The following GAPDH variants were observed in gnomAD, a reference collection of about 807,000 sequenced individuals.
GAPDH encodes the protein OCAS, p38 component.
Under a neutral mutation model 31.2 loss-of-function variants are expected in GAPDH, and 13 were observed. The observed-to-expected ratio is 0.42, with a 90% CI of 0.27 to 0.66. The LOEUF (loss-of-function observed/expected upper bound fraction) is 0.66, where lower values mean the gene tolerates loss of function less well. GAPDH is among the 30% of genes least tolerant of loss of function. The probability of loss-of-function intolerance (pLI) is 0.26; values close to 1 mark genes in which losing one functional copy is unlikely to be tolerated. For synonymous variants in GAPDH, 211 were observed against 166.9 expected (o/e 1.26, Z -2.04); for missense variants, 300 against 443.7 (o/e 0.68, Z 2.91).
intron 2 of GAPDH, chr12:6,535,142 T>A: frequency 1.0e-6 from 1 of 974,896 alleles, no homozygotes; most frequent in Non-Finnish European, 1.4e-6. Context: ...CCCGGACCCC[T>A]AGGTGGGGGA....
Position 6,536,677 on chromosome 12 carries a change from C to T in GAPDH, c.130-7C>T, listed in dbSNP as rs1193592530. The stretch of plus-strand genomic sequence containing the variant: ...CAGCCCCTTCATACCCTCACGTATT[C>T]CCCCAGGTTTACATGTTCCAATATG... On this transcript the variant is annotated splice_polypyrimidine_tract_variant and splice_region_variant and intron_variant, in intron 3 of 8. Transcript: ENST00000229239. 3.7e-6 allele frequency: 6 copies of T among 1,610,498 alleles called. No individual in the cohort carries two copies. Among genetic ancestry groups the T allele is most frequent in the Non-Finnish European group, 4.2e-6 (5 of 1,177,032 alleles).
Position 6,534,731 on chromosome 12 carries a change from G to A in GAPDH, c.-23-79G>A. The A allele has an allele frequency of 3.2e-6, 4 of 1,267,414 alleles. No homozygotes were observed. The South Asian group carries it at 4.9e-5, about 15-fold the overall frequency. The allele number at this position is 1,267,414 out of a possible 1,614,324, so 78.5% of individuals were successfully genotyped here. On this transcript the variant is annotated intron_variant, in intron 1 of 8. Coordinates refer to ENST00000229239, the MANE Select transcript of GAPDH (RefSeq NM_002046.7). ...TGATGCGGCGCGGGCTGGGCATGGA[G>A]GCCTGGTGGGGGAGGGGAGGGGAGG...
Position 6,537,290 on chromosome 12 carries a change from G to A in GAPDH, c.444-19G>A, listed in dbSNP as rs757776820. The A allele has an allele frequency of 6.8e-5, 109 of 1,600,112 alleles. No individual in the cohort carries two copies. The East Asian group carries it at 1.5e-3, about 22-fold the overall frequency. On this transcript the variant is annotated intron_variant, in intron 6 of 8. Coordinates refer to ENST00000229239, the MANE Select transcript of GAPDH (RefSeq NM_002046.7). The surrounding 1 kb of genome is among the most constrained non-coding windows in gnomAD (Gnocchi z 4.9). ...GACACGCTCCCCTGACTTGCGCCCC[G>A]CTCCCTCTTTCTTTGCAGCAATGCC...
chr12:6,537,371 G>C lies in GAPDH; in HGVS notation c.506G>C (p.Gly169Ala). ...GCCAAGGTCATCCATGACAACTTTG[G>C]TATCGTGGAAGGACTCATGGTATGA... ...PLAKVIHDNF[G>A]IVEGLMTTVH... Residue 169 changes from glycine to alanine, a missense_variant, in exon 7 of 9, where the codon GGT becomes GCT. By Grantham distance (60) the Gly-to-Ala change is moderately conservative (BLOSUM62 0). Coordinates refer to ENST00000229239, the MANE Select transcript of GAPDH (RefSeq NM_002046.7). This position sits in a 1 kb window ranked among gnomAD's most constrained non-coding sequence, Gnocchi z 4.9. The C allele has an allele frequency of 6.2e-7, 1 of 1,609,314 alleles. No individual in the cohort carries two copies. Among genetic ancestry groups the C allele is most frequent in the Non-Finnish European group, 8.5e-7 (1 of 1,179,850 alleles).
chr12:6,538,086 C>T lies in GAPDH; in HGVS notation c.939-15C>T. On this transcript the variant is annotated splice_polypyrimidine_tract_variant and intron_variant, in intron 8 of 8. Coordinates refer to ENST00000229239, the MANE Select transcript of GAPDH (RefSeq NM_002046.7). ...GCTCAGAAAAAGGGCCCTGACAACT[C>T]TTTTCATCTTCTAGGTATGACAACG... 4 of 1,600,140 alleles carry T rather than the reference C, an allele frequency of 2.5e-6. No individual in the cohort carries two copies. Among genetic ancestry groups the T allele is most frequent in the Non-Finnish European group, 3.4e-6 (4 of 1,179,618 alleles).
chr12:6,537,124 A>G lies in GAPDH; in HGVS notation c.351A>G (p.Lys117=). ...AGGCTCATTTGCAGGGGGGAGCCAA[A>G]AGGGTCATCATCTCTGCCCCCTCTG... is the stretch of plus-strand genomic sequence containing the variant. The part of the protein sequence containing the change: ...KAGAHLQGGA[K]RVIISAPSAD... The change falls in exon 6 of 9, where the codon AAA becomes AAG. Residue 117 remains lysine (K), a synonymous_variant. Coordinates refer to ENST00000229239, the MANE Select transcript of GAPDH (RefSeq NM_002046.7). This position sits in a 1 kb window ranked among gnomAD's most constrained non-coding sequence, Gnocchi z 4.9. The G allele has an allele frequency of 6.2e-7, 1 of 1,613,862 alleles. No individual in the cohort carries two copies. Among genetic ancestry groups the G allele is most frequent in the East Asian group, 2.2e-5 (1 of 44,868 alleles).
At position 6,537,112 on chromosome 12, in the gene GAPDH, G is replaced by A. The variant is rs760591074; in HGVS notation, c.339G>A (p.Gln113=). 6.2e-7 allele frequency: 1 copy of A among 1,613,374 alleles called. No individual in the cohort carries two copies. The highest frequency in any genetic ancestry group is 1.7e-4 in the Middle Eastern group (1 of 6,054). The part of the protein sequence containing the change: ...TTMEKAGAHL[Q]GGAKRVIISA... ...CTTCTCTGCTGTAGGCTCATTTGCA[G>A]GGGGGAGCCAAAAGGGTCATCATCT... The change falls in exon 6 of 9, where the codon CAG becomes CAA. Residue 113 remains glutamine, a synonymous_variant. Coordinates refer to ENST00000229239, the MANE Select transcript of GAPDH (RefSeq NM_002046.7). This position sits in a 1 kb window ranked among gnomAD's most constrained non-coding sequence, Gnocchi z 4.9.
chr12:6,537,110 CA>C lies in GAPDH; in HGVS notation c.338del (p.Gln113ArgfsTer23). The C allele has an allele frequency of 6.2e-7, 1 of 1,613,670 alleles. No homozygotes were observed. Among genetic ancestry groups the C allele is most frequent in the Non-Finnish European group, 8.5e-7 (1 of 1,179,740 alleles). ...TGCTTCTCTGCTGTAGGCTCATTTG[CA>C]GGGGGGAGCCAAAAGGGTCATCATC... is the stretch of plus-strand genomic sequence containing the variant. ...TTMEKAGAHL[Q>X]GGAKRVIISA... is the part of the protein sequence containing the mutation. On this transcript the variant is annotated frameshift_variant, in exon 6 of 9. Coordinates refer to ENST00000229239, the MANE Select transcript of GAPDH (RefSeq NM_002046.7). LOFTEE classifies it high-confidence loss of function. The surrounding 1 kb of genome is among the most constrained non-coding windows in gnomAD (Gnocchi z 4.9).
chr12:6,537,111 A>G lies in GAPDH; in HGVS notation c.338A>G (p.Gln113Arg). Reference sequence around the variant, plus strand: ...GCTTCTCTGCTGTAGGCTCATTTGCAGGGGGGAGCCAAAAGGGTCATCATC... The same window carrying G: ...GCTTCTCTGCTGTAGGCTCATTTGCGGGGGGGAGCCAAAAGGGTCATCATC... ...TTMEKAGAHL[Q>R]GGAKRVIISA... The change falls in exon 6 of 9, where the codon CAG becomes CGG. Residue 113 changes from glutamine to arginine, a missense_variant. Physicochemically the swap from Gln to Arg is conservative, Grantham distance 43. Coordinates refer to ENST00000229239, the MANE Select transcript of GAPDH (RefSeq NM_002046.7). This position sits in a 1 kb window ranked among gnomAD's most constrained non-coding sequence, Gnocchi z 4.9. 6.2e-7 allele frequency: 1 copy of G among 1,613,682 alleles called. No individual in the cohort carries two copies. The highest frequency in any genetic ancestry group is 8.5e-7 in the Non-Finnish European group (1 of 1,179,778).
intron 2 of GAPDH, 112 bp downstream of exon 2, chr12:6,534,973 C>T (rs3741917): frequency 0.023 from 28,059 of 1,242,772 alleles, 940 homozygotes; most frequent in East Asian, 0.15. Context: ...GTAGCTGTTC[C>T]CCGCAAGGAG....
chr12:6,535,268 G>A, intron 2 of GAPDH: 2 of 1,025,060 alleles, frequency 2.0e-6, no homozygotes, highest in Non-Finnish European at 2.3e-6. Context: ...ATCCCTGTCC[G>A]GATGCTGCGC....
In GAPDH at chr12:6,538,300, C is replaced by T. The variant is rs1017363760; in HGVS notation, c.*130C>T. 1.2e-5 allele frequency: 9 copies of T among 757,450 alleles called. No homozygotes were observed. The highest frequency in any genetic ancestry group is 4.4e-5 in the Admixed American group (2 of 44,978). 46.9% of individuals were successfully genotyped at this position (757,450 alleles called of 1,614,324 possible). A position where few individuals can be genotyped will look rare whatever the true frequency, so the allele number is the denominator to read the frequency against. On this transcript the variant is annotated 3_prime_UTR_variant, in exon 9 of 9. Transcript: ENST00000229239. ...CTCCTCACAGTTGCCATGTAGACCC[C>T]TTGAAGAGGGGAGGGGCCTAGGGAG...
At chr12:6,534,886 C>A (rs772741670) in intron 2 of GAPDH, 25 bp downstream of exon 2, 3 of 1,610,692 alleles carry the variant, frequency 1.9e-6, no homozygotes, top group Non-Finnish European at 2.5e-6. Flanking sequence ...GGCTGGGGGG[C>A]CCTGGGCTGC....
chr12:6,535,738 C>A (rs1400093455), intron 2 of GAPDH, among the ~76,000 whole-genome samples: 1 of 152,166 alleles, frequency 6.6e-6, no homozygotes, highest in African/African-American at 2.4e-5. Flanking sequence ...TGTCTGGGCG[C>A]CTCGGGGAAC....
chr12:6,538,307 A>AG lies in GAPDH; in HGVS notation c.*141dup. On this transcript the variant is annotated 3_prime_UTR_variant, in exon 9 of 9. Coordinates refer to ENST00000229239, the MANE Select transcript of GAPDH (RefSeq NM_002046.7). Reference sequence around the variant, plus strand: ...CAGTTGCCATGTAGACCCCTTGAAGAGGGGAGGGGCCTAGGGAGCCGCACC... The same window carrying AG: ...CAGTTGCCATGTAGACCCCTTGAAGAGGGGGAGGGGCCTAGGGAGCCGCACC... The AG allele has an allele frequency of 1.4e-6, 1 of 723,272 alleles. No homozygotes were observed. Among genetic ancestry groups the AG allele is most frequent in the East Asian group, 2.7e-5 (1 of 37,414 alleles). The allele number at this position is 723,272 out of a possible 1,614,324, so 44.8% of individuals were successfully genotyped here. A position where few individuals can be genotyped will look rare whatever the true frequency, so the allele number is the denominator to read the frequency against.
At chr12:6,535,832 C>T (rs972263111) in intron 2 of GAPDH, among the ~76,000 whole-genome samples, 2 of 152,220 alleles carry the variant, frequency 1.3e-5, no homozygotes, top group Non-Finnish European at 2.9e-5. Flanking sequence ...GCTGACCTTT[C>T]TGTAGCTGGG....
At chr12:6,535,066 C>A in intron 2 of GAPDH, 1 of 782,290 alleles carries the variant, frequency 1.3e-6, no homozygotes, top group South Asian at 1.9e-5. Flanking sequence ...GCGGCGCCAT[C>A]TGCCCGGAGC....
chr12:6,535,084 C>T (rs1035176125), intron 2 of GAPDH: 2 of 770,818 alleles, frequency 2.6e-6, no homozygotes, highest in Non-Finnish European at 3.9e-6. Flanking sequence ...AGCCTCCTTC[C>T]CCTAGTCCCC....
In GAPDH at chr12:6,536,466, T is replaced by G; in HGVS notation, c.30-28T>G. The G allele has an allele frequency of 1.9e-6, 3 of 1,560,030 alleles. No individual in the cohort carries two copies. In the South Asian group the frequency reaches 3.3e-5, roughly 17 times the overall value. ...CATATTCTGGAGGAGCCTCCCCTCCTCATGCCTTCTTGCCTCTTGTCTCTT... is the reference window on the plus strand; with the variant it reads ...CATATTCTGGAGGAGCCTCCCCTCCGCATGCCTTCTTGCCTCTTGTCTCTT... On this transcript the variant is annotated intron_variant, in intron 2 of 8. Transcript: ENST00000229239.
Sources: allele counts gnomAD v4.1 joint callset (sites outside exome capture counted in the v4.1 genomes callset), GRCh38; gene constraint gnomAD v4.1.1; non-coding constraint Gnocchi (gnomAD v3.1); transcripts MANE v1.5; gene names NCBI Gene and HGNC (gene_info 2026-07-23, HGNC 2026-07-21).